Variants in CTNNA2 observed in about 807,000 individuals in gnomAD.
The protein encoded by CTNNA2 is catenin alpha 2.
A neutral mutation model predicts 101.0 loss-of-function variants in CTNNA2; 42 were observed. The ratio of observed to expected loss-of-function variants is 0.42; its 90% CI spans 0.32 to 0.54. The LOEUF is 0.54. Ranked by LOEUF, CTNNA2 falls within the 20% of genes least tolerant of loss-of-function variation. CTNNA2 has a pLI of 0.14. For synonymous variants in CTNNA2, 450 were observed against 456.4 expected, an observed-to-expected ratio of 0.99 and a Z score of 0.18; for missense variants, 871 against 1,223.1, an observed-to-expected ratio of 0.71 and a Z score of 4.29.
At chr2:80,589,520 C>T in intron 15 of CTNNA2, 35 bp downstream of exon 15, 1 of 1,598,314 alleles carries the variant, frequency 6.3e-7, no homozygotes, top group Non-Finnish European at 8.5e-7. Context: ...AAGATTTTTT[C>T]ATTAAACCCA....
At chr2:79,793,398 A>G (rs774423392) in intron 3 of CTNNA2, among the ~76,000 whole-genome samples, 23 of 152,188 alleles carry the variant, frequency 1.5e-4, no homozygotes, top group African/African-American at 5.1e-4. Flanking sequence ...CTGCACCCCA[A>G]CTGAGGGTAC....
intron 6 of CTNNA2, among the ~76,000 whole-genome samples, chr2:79,902,925 A>T (rs1403727178): frequency 6.6e-6 from 1 of 152,134 alleles, no homozygotes; most frequent in Non-Finnish European, 1.5e-5. Flanking sequence ...GCGCCCGGTC[A>T]GCAAATGTTT....
At chr2:79,905,471 C>G (rs548058593) in intron 6 of CTNNA2, among the ~76,000 whole-genome samples, 1 of 152,252 alleles carries the variant, frequency 6.6e-6, no homozygotes, top group East Asian at 1.9e-4. Flanking sequence ...GCATAAGAGC[C>G]GGTCACAGGA....
intron 1 of CTNNA2, among the ~76,000 whole-genome samples, chr2:79,568,169 C>T (rs1675231805): frequency 1.3e-5 from 2 of 152,274 alleles, no homozygotes; most frequent in Middle Eastern, 3.4e-3. Flanking sequence ...ATGTCTGGCA[C>T]ATCGTAAGTG....
chr2:79,500,707 G>C (rs553546828), intron 4 of CTNNA2: 1 of 152,154 alleles, frequency 6.6e-6, no homozygotes, highest in Non-Finnish European at 1.5e-5. Flanking sequence ...ATTGTCTCAC[G>C]GGAGAAGCTA....
Position 80,526,209 on chromosome 2 carries a change from T to C in CTNNA2, c.1291-18773T>C, listed in dbSNP as rs1690016074. On this transcript the variant is annotated intron_variant, in intron 9 of 18. Coordinates refer to ENST00000402739, the MANE Select transcript of CTNNA2 (RefSeq NM_001282597.3). ...CTGTGCCTCGATTTTCTTTTTCTTT[T>C]CTTTTTTTGAGACAGAGTCTGGCTC... Among the ~76,000 whole-genome samples, 2 of 151,956 alleles carry C rather than the reference T, an allele frequency of 1.3e-5. 1 individual carries two copies. Among genetic ancestry groups the C allele is most frequent in the South Asian group, 4.2e-4 (2 of 4,812 alleles).
At chr2:80,577,513 C>T (rs900272882) in intron 13 of CTNNA2, among the ~76,000 whole-genome samples, 7 of 152,150 alleles carry the variant, frequency 4.6e-5, no homozygotes, top group African/African-American at 1.4e-4. Context: ...GGGTTCTGAG[C>T]AGGGGAATAG....
intron 9 of CTNNA2, among the ~76,000 whole-genome samples, chr2:80,487,590 A>T (rs2149511535): frequency 6.6e-6 from 1 of 152,294 alleles, no homozygotes; most frequent in East Asian, 1.9e-4. Flanking sequence ...GCATGGAGAT[A>T]ACTGCCCCCA....
chr2:80,343,625 A>T (rs1244131039), intron 7 of CTNNA2, among the ~76,000 whole-genome samples: 1 of 152,170 alleles, frequency 6.6e-6, no homozygotes, highest in Non-Finnish European at 1.5e-5. Context: ...GGGCACAAGG[A>T]AAAAACAAAC....
chr2:79,670,963 A>G lies in CTNNA2; in HGVS notation c.102+19305A>G, dbSNP rs116177874. Among the ~76,000 whole-genome samples the G allele has an allele frequency of 7.2e-3, 1,103 of 152,342 alleles. 7 individuals are homozygous for G. Among genetic ancestry groups the G allele is most frequent in the Non-Finnish European group, 0.013 (893 of 68,036 alleles). ...GGACCGATATTTTAAAAATCATCGC[A>G]ATAAATAAAAGGCTGAAAATTGGAA... is the stretch of plus-strand genomic sequence containing the variant. On this transcript the variant is annotated intron_variant, in intron 2 of 18. Transcript: ENST00000402739.
intron 7 of CTNNA2, among the ~76,000 whole-genome samples, chr2:79,945,787 C>T (rs1022816734): frequency 6.6e-6 from 1 of 152,120 alleles, no homozygotes; most frequent in African/African-American, 2.4e-5. Flanking sequence ...AGTTCAGTAT[C>T]CATTATGTCC....
intron 7 of CTNNA2, among the ~76,000 whole-genome samples, chr2:80,078,200 C>T (rs1294757091): frequency 6.6e-6 from 1 of 152,078 alleles, no homozygotes; most frequent in African/African-American, 2.4e-5. Flanking sequence ...ACTTTGTAAC[C>T]ACAGAACGTT....
rs1050486702 is a variant in CTNNA2 at position 80,259,414 on chromosome 2, G to T, written c.1057-133797G>T. Among the ~76,000 whole-genome samples, 4 of 152,158 alleles carry T rather than the reference G, an allele frequency of 2.6e-5. No homozygotes were observed. In the East Asian group the frequency reaches 7.7e-4, roughly 29 times the overall value. On this transcript the variant is annotated intron_variant, in intron 7 of 18. Transcript: ENST00000402739. ...GGCCTTCAATTCCACCTGGTTGCTT[G>T]TCCAGCCCCTGATGATGTACAGTAC...
intron 6 of CTNNA2, among the ~76,000 whole-genome samples, chr2:79,892,096 C>T (rs1183683669): frequency 3.9e-5 from 6 of 152,028 alleles, no homozygotes; most frequent in Non-Finnish European, 8.8e-5. Flanking sequence ...CTCCCATACA[C>T]ACACTCCTTA....
intron 1 of CTNNA2, among the ~76,000 whole-genome samples, chr2:79,562,976 G>A (rs1674874657): frequency 6.6e-6 from 1 of 151,788 alleles, no homozygotes; most frequent in South Asian, 2.1e-4. Flanking sequence ...TTCTAAGATA[G>A]GAATGTGAAT....
chr2:79,526,530 A>G (rs1237812855), intron 1 of CTNNA2, among the ~76,000 whole-genome samples: 1 of 152,078 alleles, frequency 6.6e-6, no homozygotes, highest in Non-Finnish European at 1.5e-5. Context: ...ACAATCTTAA[A>G]AAAGGTGAAC....
intron 7 of CTNNA2, among the ~76,000 whole-genome samples, chr2:80,307,096 C>T (rs947385908): frequency 1.3e-5 from 2 of 149,430 alleles, no homozygotes; most frequent in Admixed American, 6.7e-5. Flanking sequence ...TTGCTTTTTG[C>T]ATTATTATCC....
chr2:79,468,130 A>G (rs556903853), intron 4 of CTNNA2, among the ~76,000 whole-genome samples: 31 of 152,286 alleles, frequency 2.0e-4, no homozygotes, highest in Non-Finnish European at 2.9e-4. Context: ...TATTCAGGAG[A>G]CCCATCTTAC....
At chr2:80,422,664 T>G (rs1680635365) in intron 9 of CTNNA2, among the ~76,000 whole-genome samples, 1 of 152,202 alleles carries the variant, frequency 6.6e-6, no homozygotes, top group Non-Finnish European at 1.5e-5. Flanking sequence ...ACTATAGAAT[T>G]GTATCAAATG....
Sources: gnomAD v4.1 joint callset for allele counts (sites outside exome capture counted in the v4.1 genomes callset) on GRCh38, gnomAD v4.1.1 for gene constraint, MANE v1.5 for transcripts, NCBI Gene and HGNC (gene_info 2026-07-23, HGNC 2026-07-21) for gene names.